LRGUK: variants seen among roughly 807,000 people sequenced by gnomAD.
LRGUK encodes the protein leucine-rich repeat and guanylate kinase domain-containing protein.
A neutral mutation model predicts 76.0 loss-of-function variants in LRGUK; 65 were observed. The ratio of observed to expected loss-of-function variants is 0.85; its 90% CI spans 0.70 to 1.05. LRGUK has a LOEUF of 1.05. LRGUK is among the 50% of genes least tolerant of loss of function. The pLI is 0.00. For missense variants in LRGUK, 758 were observed against 732.8 expected, an observed-to-expected ratio of 1.03 and a Z score of -0.40; for synonymous variants, 268 against 265.6, an observed-to-expected ratio of 1.01 and a Z score of -0.09.
At chr7:134,160,823 T>C (rs1273617466) in intron 6 of LRGUK, among the ~76,000 whole-genome samples, 1 of 152,242 alleles carries the variant, frequency 6.6e-6, no homozygotes, top group Non-Finnish European at 1.5e-5. Context: ...CTAAAAGTCT[T>C]TTCCCAACTA....
intron 16 of LRGUK, among the ~76,000 whole-genome samples, chr7:134,225,967 G>T (rs1801731970): frequency 6.6e-6 from 1 of 152,136 alleles, no homozygotes; most frequent in Admixed American, 6.5e-5. Flanking sequence ...ACCCTAAGAA[G>T]AAGTTGTTGT....
intron 1 of LRGUK, among the ~76,000 whole-genome samples, chr7:134,128,684 G>A (rs1797140481): frequency 6.6e-6 from 1 of 152,124 alleles, no homozygotes; most frequent in Admixed American, 6.5e-5. Flanking sequence ...CGAGTAGCTG[G>A]GACTACAGGT....
intron 1 of LRGUK, 21 bp downstream of exon 1, chr7:134,127,685 C>T (rs1216106886): frequency 1.2e-6 from 2 of 1,600,922 alleles, no homozygotes; most frequent in Non-Finnish European, 1.7e-6. Context: ...CCCCCCACCC[C>T]GTACTCCCTG....
Position 134,130,567 on chromosome 7 carries a change from T to C in LRGUK, c.297+2903T>C, listed in dbSNP as rs143297351. On this transcript the variant is annotated intron_variant, in intron 1 of 15. Coordinates refer to ENST00000645682, the Ensembl canonical transcript of LRGUK. Reference sequence around the variant, plus strand: ...TTTTAGTATTGCACACATATTAATATGCTAAATAAACTGAAACAAAGTTTT... The same window carrying C: ...TTTTAGTATTGCACACATATTAATACGCTAAATAAACTGAAACAAAGTTTT... Among the ~76,000 whole-genome samples the C allele has an allele frequency of 1.6e-3, 239 of 152,356 alleles. 1 individual carries two copies. Among genetic ancestry groups the C allele is most frequent in the African/African-American group, 5.4e-3 (226 of 41,578 alleles).
intron 2 of LRGUK, among the ~76,000 whole-genome samples, chr7:134,137,856 A>G (rs1797600279): frequency 1.1e-5 from 1 of 88,734 alleles, no homozygotes; most frequent in Admixed American, 1.1e-4. Flanking sequence ...TACATATGAG[A>G]AAAAAAAAAC....
chr7:134,275,322 A>G, the LRGUK span, among the ~76,000 whole-genome samples: 1 of 152,152 alleles, frequency 6.6e-6, no homozygotes, highest in Non-Finnish European at 1.5e-5. Context: ...CAATTGTTTT[A>G]TATGGTAACT....
chr7:134,251,390 G>A (rs745967410), intron 18 of LRGUK, among the ~76,000 whole-genome samples: 1 of 152,130 alleles, frequency 6.6e-6, no homozygotes, highest in Non-Finnish European at 1.5e-5. Flanking sequence ...AGAGAGGCCC[G>A]GAACAATTCT....
chr7:134,165,682 C>T (rs557739193), intron 7 of LRGUK, among the ~76,000 whole-genome samples: 1 of 152,264 alleles, frequency 6.6e-6, no homozygotes, highest in Admixed American at 6.5e-5. Context: ...TACTAAGTTT[C>T]TGACATCCAG....
intron 16 of LRGUK, among the ~76,000 whole-genome samples, chr7:134,233,860 G>A (rs1043911372): frequency 2.0e-5 from 3 of 152,218 alleles, no homozygotes; most frequent in Admixed American, 1.3e-4. Flanking sequence ...GGATCCTCAC[G>A]GCTCTAAACA....
At chr7:134,188,373 G>A (rs141868222) in intron 11 of LRGUK, among the ~76,000 whole-genome samples, 23 of 152,174 alleles carry the variant, frequency 1.5e-4, no homozygotes, top group African/African-American at 5.5e-4. Flanking sequence ...ACAGGGGTCC[G>A]GTCATAAAGG....
At chr7:134,256,157 C>T (rs1015997366) in intron 18 of LRGUK, among the ~76,000 whole-genome samples, 1 of 152,078 alleles carries the variant, frequency 6.6e-6, no homozygotes, top group African/African-American at 2.4e-5. Flanking sequence ...CCGAACCTTC[C>T]CTTAAAAAGT....
chr7:134,239,124 T>G (rs1434329555), intron 16 of LRGUK, among the ~76,000 whole-genome samples: 2 of 152,164 alleles, frequency 1.3e-5, no homozygotes, highest in Admixed American at 6.5e-5. Context: ...TAGGAACAGC[T>G]CCAGTCTGCA....
intron 16 of LRGUK, among the ~76,000 whole-genome samples, chr7:134,246,109 T>C (rs931147661): frequency 4.6e-5 from 7 of 152,224 alleles, no homozygotes; most frequent in African/African-American, 1.7e-4. Flanking sequence ...TCATGGTCTC[T>C]AAGGAACAAT....
intron 11 of LRGUK, among the ~76,000 whole-genome samples, chr7:134,190,825 ATTCATATG>A (rs1322891756): frequency 6.6e-6 from 1 of 152,260 alleles, no homozygotes; most frequent in East Asian, 1.9e-4. Context: ...CCCCTTTAGG[ATTCATATG>A]TTCTGCTGGG....
intron 4 of LRGUK, 55 bp from the exon 5 acceptor site, chr7:134,148,183 G>T: frequency 8.8e-7 from 1 of 1,134,640 alleles, no homozygotes; most frequent in Non-Finnish European, 1.3e-6. Flanking sequence ...AATTATTGTG[G>T]CAAACATGAA....
chr7:134,254,720 CAT>C (rs756625600), intron 18 of LRGUK, among the ~76,000 whole-genome samples: 29 of 152,236 alleles, frequency 1.9e-4, no homozygotes, highest in East Asian at 7.7e-4. Flanking sequence ...AATAAATTAA[CAT>C]GTGGAAAATC....
rs1314543820 is a variant in LRGUK, at chr7:134,199,130, A to G, written c.1546-90A>G. The G allele has an allele frequency of 7.6e-6, 7 of 920,024 alleles. No homozygotes were observed. The East Asian group carries it at 1.5e-4, about 20-fold the overall frequency. 57.0% of individuals were successfully genotyped at this position (920,024 alleles called of 1,614,324 possible). A position where few individuals can be genotyped will look rare whatever the true frequency, so the allele number is the denominator to read the frequency against. The stretch of plus-strand genomic sequence containing the variant: ...AATTCTTCAATATATTAATAATACT[A>G]CTTCTTATACCCATGTTGTCAGATG... On this transcript the variant is annotated intron_variant, in intron 13 of 15. Coordinates refer to ENST00000645682, the Ensembl canonical transcript of LRGUK.
At chr7:134,147,292 G>A (rs55781741) in intron 4 of LRGUK, among the ~76,000 whole-genome samples, 19,707 of 151,828 alleles carry the variant, frequency 0.13, 1,618 homozygotes, top group East Asian at 0.33. Context: ...CAAAAAACCC[G>A]GGTGTGGTGG....
At chr7:134,271,777 T>C in the LRGUK span, among the ~76,000 whole-genome samples, 1 of 152,082 alleles carries the variant, frequency 6.6e-6, no homozygotes, top group Non-Finnish European at 1.5e-5. Context: ...AATGTATCTT[T>C]AGTGAGATTT....
Sources: allele counts gnomAD v4.1 joint callset (sites outside exome capture counted in the v4.1 genomes callset), GRCh38; gene constraint gnomAD v4.1.1; transcripts MANE v1.5; gene names NCBI Gene and HGNC (gene_info 2026-07-23, HGNC 2026-07-21).